The following LTBP4 variants were observed in gnomAD, a reference collection of about 807,000 sequenced individuals.
LTBP4 encodes latent-transforming growth factor beta-binding protein 4.
LTBP4 carries 93 observed loss-of-function variants against 180.2 expected under a neutral mutation model. The ratio of observed to expected loss-of-function variants is 0.52; its 90% confidence interval spans 0.44 to 0.61. LTBP4 has a LOEUF of 0.61. LTBP4 is among the 20% of genes least tolerant of loss of function. The pLI is 0.00. For missense variants in LTBP4, 2,116 were observed against 2,256.5 expected (o/e 0.94, Z 1.26); for synonymous variants, 947 against 934.5 (o/e 1.01, Z -0.24).
In LTBP4 at chr19:40,613,772, G is replaced by C. The variant is rs1395054312; in HGVS notation, c.2558-144G>C. On this transcript the variant is annotated intron_variant, in intron 17 of 29. Transcript: ENST00000396819. This position sits in a 1 kb window ranked among gnomAD's most constrained non-coding sequence, Gnocchi z 5.0. Reference sequence around the variant, plus strand: ...GCTGTTCTAAACCCGTCGGGGGGCGGTGTTTGCAGGGAGGGAAGTAGCGTG... The same window carrying C: ...GCTGTTCTAAACCCGTCGGGGGGCGCTGTTTGCAGGGAGGGAAGTAGCGTG... 7.5e-7 allele frequency: 1 copy of C among 1,336,384 alleles called. No individual in the cohort carries two copies. Among genetic ancestry groups the C allele is most frequent in the Non-Finnish European group, 1.0e-6 (1 of 962,616 alleles). 82.8% of individuals were successfully genotyped at this position (1,336,384 alleles called of 1,614,324 possible). A position where few individuals can be genotyped will look rare whatever the true frequency, so the allele number is the denominator to read the frequency against.
chr19:40,613,373 G>C lies in LTBP4; in HGVS notation c.2432-31G>C, dbSNP rs767740882. The C allele has an allele frequency of 6.3e-7, 1 of 1,597,394 alleles. No homozygotes were observed. Among genetic ancestry groups the C allele is most frequent in the Middle Eastern group, 1.7e-4 (1 of 6,054 alleles). On this transcript the variant is annotated intron_variant, in intron 16 of 29. Transcript: ENST00000396819. This position sits in a 1 kb window ranked among gnomAD's most constrained non-coding sequence, Gnocchi z 5.0. ...GAGCTTGTCTGGGAGGCCGGGTCCC[G>C]TGACTCCGCCCAATCTCCCGCGTAC...
chr19:40,613,186 G>A lies in LTBP4; in HGVS notation c.2421G>A (p.Gly807=). ...PGYRAPSGRP[G]PCADVNECLE... Reference sequence around the variant, plus strand: ...ACCGGGCGCCGTCGGGTCGGCCCGGGCCCTGCGCAGGTGAGCAGCATAGGG... The same window carrying A: ...ACCGGGCGCCGTCGGGTCGGCCCGGACCCTGCGCAGGTGAGCAGCATAGGG... The change falls in exon 16 of 30, where the codon GGG becomes GGA. Residue 807 remains glycine (G), a synonymous_variant. Coordinates refer to ENST00000396819, the MANE Select transcript of LTBP4 (RefSeq NM_001042545.2). This position sits in a 1 kb window ranked among gnomAD's most constrained non-coding sequence, Gnocchi z 5.0. 1.3e-6 allele frequency: 2 copies of A among 1,568,638 alleles called. No homozygotes were observed. The highest frequency in any genetic ancestry group is 1.7e-6 in the Non-Finnish European group (2 of 1,157,136).
Position 40,629,286 on chromosome 19 carries a change from C to A in LTBP4, c.4520-110C>A. 1.4e-6 allele frequency: 2 copies of A among 1,455,856 alleles called. No individual in the cohort carries two copies. The highest frequency in any genetic ancestry group is 1.9e-6 in the Non-Finnish European group (2 of 1,044,006). The allele number at this position is 1,455,856 out of a possible 1,614,324, so 90.2% of individuals were successfully genotyped here. A position where few individuals can be genotyped will look rare whatever the true frequency, so the allele number is the denominator to read the frequency against. ...AGCAGATGGCAGAGGCCAGATTGGA[C>A]TCCAAACTGCTCAGCATCTGTGCTC... On this transcript the variant is annotated intron_variant, in intron 29 of 29. Transcript: ENST00000396819. The surrounding 1 kb of genome is among the most constrained non-coding windows in gnomAD (Gnocchi z 4.5).
chr19:40,616,179 A>C (rs2081547254), intron 19 of LTBP4, among the ~76,000 whole-genome samples: 1 of 152,104 alleles, frequency 6.6e-6, no homozygotes, highest in East Asian at 1.9e-4. Flanking sequence ...TTGTAATCCC[A>C]GCTACTCAGG....
Position 40,601,646 on chromosome 19 carries a change from G to A in LTBP4, c.250+9G>A. ...ACCCGGCTTCCGCGCCTGTGAGTGC[G>A]GGGTGGTGGTCCCGAGAGAGCGGCT... On this transcript the variant is annotated intron_variant, in intron 1 of 29. Coordinates refer to ENST00000396819, the MANE Select transcript of LTBP4 (RefSeq NM_001042545.2). 7.4e-7 allele frequency: 1 copy of A among 1,355,626 alleles called. No homozygotes were observed. Among genetic ancestry groups the A allele is most frequent in the South Asian group, 1.8e-5 (1 of 56,500 alleles). 84.0% of individuals were successfully genotyped at this position (1,355,626 alleles called of 1,614,324 possible). A position where few individuals can be genotyped will look rare whatever the true frequency, so the allele number is the denominator to read the frequency against.
Position 40,623,997 on chromosome 19 carries a change from G to A in LTBP4, c.3747G>A (p.Val1249=). 6.2e-7 allele frequency: 1 copy of A among 1,613,388 alleles called. No homozygotes were observed. Among genetic ancestry groups the A allele is most frequent in the Non-Finnish European group, 8.5e-7 (1 of 1,179,690 alleles). Residue 1249 remains valine, a synonymous_variant, in exon 26 of 30, where the codon GTG becomes GTA. Transcript: ENST00000396819. ...AGGGCGGCCGCTGTGTCAACACTGT[G>A]GGCTCTTATCACTGTACCTGCGAGC... ...ACEGGRCVNT[V]GSYHCTCEPP... is the part of the protein sequence containing the mutation.
Position 40,613,146 on chromosome 19 carries a change from G to A in LTBP4, c.2381G>A (p.Ser794Asn). 1 of 1,595,748 alleles carries A rather than the reference G, an allele frequency of 6.3e-7. No individual in the cohort carries two copies. The highest frequency in any genetic ancestry group is 1.7e-5 in the Admixed American group (1 of 57,416). Residue 794 changes from serine (S) to asparagine (N), a missense_variant, in exon 16 of 30, where the codon AGC (serine) becomes AAC (asparagine). Around this residue, in one of 5 missense-constraint regions of LTBP4, gnomAD observed 877 missense variants for 873.6 expected, o/e 1.00. Transcript: ENST00000396819. This position sits in a 1 kb window ranked among gnomAD's most constrained non-coding sequence, Gnocchi z 5.0. The part of the protein sequence containing the change: ...CTNTEGSFRC[S>N]CAPGYRAPSG... ...AACACCGAAGGCTCCTTCCGCTGCAGCTGCGCGCCAGGCTACCGGGCGCCG... is the reference window on the plus strand; with the variant it reads ...AACACCGAAGGCTCCTTCCGCTGCAACTGCGCGCCAGGCTACCGGGCGCCG...
In LTBP4 at chr19:40,610,534, G is replaced by C. The variant is rs2081497941; in HGVS notation, c.1687G>C (p.Val563Leu). 1 of 1,594,076 alleles carries C rather than the reference G, an allele frequency of 6.3e-7. No individual in the cohort carries two copies. Among genetic ancestry groups the C allele is most frequent in the Non-Finnish European group, 8.5e-7 (1 of 1,175,888 alleles). Residue 563 changes from valine (V) to leucine (L), a missense_variant and splice_region_variant, in exon 12 of 30, where the codon GTG (valine) becomes CTG (leucine). Physicochemically the swap from Val to Leu is conservative, Grantham distance 32. Around this residue, in one of 5 missense-constraint regions of LTBP4, gnomAD observed 877 missense variants for 873.6 expected, o/e 1.00. Transcript: ENST00000396819. ...AGCCGCCTGGTCTGTGCCTACAGAT[G>C]TGGACGAGTGCCACCGCGTGCCGCC... ...AGPRAAECLD[V>L]DECHRVPPPC...
chr19:40,615,768 T>C (rs926888840), intron 19 of LTBP4, among the ~76,000 whole-genome samples: 10 of 151,978 alleles, frequency 6.6e-5, no homozygotes, highest in Admixed American at 5.2e-4. Context: ...AAAAAAAAAT[T>C]TATACAACAA....
At chr19:40,627,929 T>C in intron 29 of LTBP4, 72 bp downstream of exon 29, 1 of 1,495,590 alleles carries the variant, frequency 6.7e-7, no homozygotes, top group Non-Finnish European at 8.9e-7. Flanking sequence ...AAGCCCTGAC[T>C]AGGGGGTGCT....
chr19:40,611,403 G>A lies in LTBP4; in HGVS notation c.2053+9G>A. On this transcript the variant is annotated intron_variant, in intron 13 of 29. Transcript: ENST00000396819. This position sits in a 1 kb window ranked among gnomAD's most constrained non-coding sequence, Gnocchi z 4.4. ...CGGGGCCCCCTGCCAAGGTGAGGGT[G>A]CTGAGCCCAGCCCTACTCCATCACT... The A allele has an allele frequency of 6.2e-7, 1 of 1,600,346 alleles. No individual in the cohort carries two copies. The highest frequency in any genetic ancestry group is 1.1e-5 in the South Asian group (1 of 90,594).
chr19:40,627,881 A>G, intron 29 of LTBP4, 24 bp downstream of exon 29: 2 of 1,548,724 alleles, frequency 1.3e-6, no homozygotes, highest in African/African-American at 1.4e-5. Context: ...CGGGGCCAGC[A>G]TGCGCAGGGA....
Position 40,606,009 on chromosome 19 carries a change from T to G in LTBP4, c.793+178T>G, listed in dbSNP as rs138777190. Among the ~76,000 whole-genome samples, 789 of 152,322 alleles carry G rather than the reference T, an allele frequency of 5.2e-3. 5 individuals carry two copies. The highest frequency in any genetic ancestry group is 7.8e-3 in the Non-Finnish European group (533 of 68,026). On this transcript the variant is annotated intron_variant, in intron 4 of 29. Coordinates refer to ENST00000396819, the MANE Select transcript of LTBP4 (RefSeq NM_001042545.2). ...CGCTCTGGGACCACCCACCCCATTT[T>G]CTGACTTTGGCCACTCTGTTCTCAC...
At chr19:40,600,806 T>A (rs2081418118), upstream of LTBP4, among the ~76,000 whole-genome samples, 1 of 152,080 alleles carries the variant, frequency 6.6e-6, no homozygotes, top group African/African-American at 2.4e-5. The surrounding 1 kb of genome is among the most constrained non-coding windows in gnomAD (Gnocchi z 4.4). Flanking sequence ...TCTGGCCAGA[T>A]GTGGCTACAT....
At chr19:40,600,065 C>A, upstream of LTBP4, 1 of 1,260,594 alleles carries the variant, frequency 7.9e-7, no homozygotes, top group Non-Finnish European at 1.0e-6. This position sits in a 1 kb window ranked among gnomAD's most constrained non-coding sequence, Gnocchi z 4.4. Context: ...CTCTCCCACC[C>A]AGGCTCCAGG....
At chr19:40,625,835 C>T (rs372187227) in intron 26 of LTBP4, 22 bp from the exon 27 acceptor site, 50 of 1,540,634 alleles carry the variant, frequency 3.2e-5, no homozygotes, top group Non-Finnish European at 4.3e-5. Flanking sequence ...CCCACTCTGA[C>T]ACATGCTGTC....
At chr19:40,625,734 A>C in intron 26 of LTBP4, 123 bp from the exon 27 acceptor site, 1 of 834,446 alleles carries the variant, frequency 1.2e-6, no homozygotes, top group Non-Finnish European at 1.8e-6. Flanking sequence ...GTTAGATCAC[A>C]GCTGATGAGA....
At position 40,613,543 on chromosome 19, in the gene LTBP4, C is replaced by A; in HGVS notation, c.2557+14C>A. On this transcript the variant is annotated intron_variant, in intron 17 of 29. Transcript: ENST00000396819. This position sits in a 1 kb window ranked among gnomAD's most constrained non-coding sequence, Gnocchi z 5.0. ...CCTCTTGCCTCGGTTCGTACCCGGGCTGATCCTGGCCCCGGAAAGGGTGGG... is the reference window on the plus strand; with the variant it reads ...CCTCTTGCCTCGGTTCGTACCCGGGATGATCCTGGCCCCGGAAAGGGTGGG... 3.8e-6 allele frequency: 6 copies of A among 1,560,086 alleles called. No individual in the cohort carries two copies. Among genetic ancestry groups the A allele is most frequent in the Non-Finnish European group, 5.2e-6 (6 of 1,153,914 alleles).
intron 22 of LTBP4, among the ~76,000 whole-genome samples, chr19:40,620,243 T>A (rs1293247091): frequency 8.2e-6 from 1 of 122,036 alleles, no homozygotes; most frequent in Non-Finnish European, 1.7e-5. Context: ...AAATTTTTTT[T>A]AAATGTTTTT....
Sources: allele counts gnomAD v4.1 joint callset (sites outside exome capture counted in the v4.1 genomes callset), GRCh38; gene constraint gnomAD v4.1.1; regional missense constraint gnomAD v4.1.1; non-coding constraint Gnocchi (gnomAD v3.1); transcripts MANE v1.5; gene names NCBI Gene and HGNC (gene_info 2026-07-23, HGNC 2026-07-21).